The following THADA variants were observed in gnomAD, a reference collection of about 807,000 sequenced individuals.
The protein encoded by THADA is tRNA (32-2'-O)-methyltransferase regulator THADA.
THADA carries 213 observed loss-of-function variants against 219.8 expected under a neutral mutation model. The observed-to-expected ratio is 0.97, with a 90% CI of 0.87 to 1.09. The LOEUF (loss-of-function observed/expected upper bound fraction) is 1.09. Among genes scored for constraint, THADA ranks in the 50% least tolerant of loss-of-function variants. The pLI, the probability that THADA is intolerant of heterozygous loss-of-function variation, is 0.00. For synonymous variants in THADA, 1,018 were observed against 828.9 expected (o/e 1.23, Z -3.92); for missense variants, 2,956 against 2,311.3 (o/e 1.28, Z -5.72).
chr2:43,532,076 T>C (rs1438844030), intron 21 of THADA, among the ~76,000 whole-genome samples: 1 of 151,560 alleles, frequency 6.6e-6, no homozygotes, highest in Non-Finnish European at 1.5e-5. Flanking sequence ...CTGGAGCCCC[T>C]ATCCAGCACA....
rs1246333935 is a variant in THADA, at chr2:43,231,274, A to G, written c.5536T>C (p.Tyr1846His). The G allele has an allele frequency of 6.2e-7, 1 of 1,605,512 alleles. No homozygotes were observed. Among genetic ancestry groups the G allele is most frequent in the Admixed American group, 1.7e-5 (1 of 57,598 alleles). The change falls in exon 38 of 38, where the codon TAC (tyrosine) becomes CAC (histidine). Residue 1846 changes from tyrosine (Y) to histidine (H), a missense_variant. Tyr to His is a moderately conservative substitution (Grantham distance 83, BLOSUM62 2). Coordinates refer to ENST00000405975, the MANE Select transcript of THADA (RefSeq NM_022065.5). ...AGACAGAAGAGGTGCTTGCAGAGGT[A>G]TTTCACAAAGATCAGGGTCTCGGCC... ...FWAETLIFVKYLCKHLFCLLS... is the reference protein window; with the variant it reads ...FWAETLIFVKHLCKHLFCLLS...
chr2:43,487,824 A>T (rs1687096177), intron 25 of THADA, among the ~76,000 whole-genome samples: 1 of 152,148 alleles, frequency 6.6e-6, no homozygotes, highest in Non-Finnish European at 1.5e-5. Context: ...TTGATCTTGG[A>T]CTTTCCAGCC....
intron 29 of THADA, among the ~76,000 whole-genome samples, chr2:43,367,151 A>G (rs1670250765): frequency 1.3e-5 from 2 of 152,150 alleles, no homozygotes; most frequent in African/African-American, 4.8e-5. Context: ...ACACAAGAAA[A>G]TAGAATGGTA....
chr2:43,589,824 C>T (rs780374010), intron 4 of THADA, among the ~76,000 whole-genome samples: 2 of 149,352 alleles, frequency 1.3e-5, no homozygotes, highest in East Asian at 2.0e-4. Context: ...AAAAACCTAT[C>T]GAAATGAAAA....
At chr2:43,512,415 A>G (rs1478656040) in intron 22 of THADA, among the ~76,000 whole-genome samples, 1 of 152,206 alleles carries the variant, frequency 6.6e-6, no homozygotes, top group Non-Finnish European at 1.5e-5. Context: ...TGGTCCAATA[A>G]TGGAACTTCC....
intron 22 of THADA, among the ~76,000 whole-genome samples, chr2:43,524,850 C>T (rs576712465): frequency 6.1e-4 from 93 of 152,306 alleles, no homozygotes; most frequent in Non-Finnish European, 1.0e-3. Context: ...CTAGTCTCCC[C>T]GCTCCATTTA....
At chr2:43,340,755 A>G (rs1009844136) in intron 30 of THADA, among the ~76,000 whole-genome samples, 1 of 152,200 alleles carries the variant, frequency 6.6e-6, no homozygotes, top group African/African-American at 2.4e-5. Flanking sequence ...CCTCTTCAGT[A>G]GTTGAATTTG....
At chr2:43,287,605 G>C (rs1376112675) in intron 34 of THADA, among the ~76,000 whole-genome samples, 1 of 152,118 alleles carries the variant, frequency 6.6e-6, no homozygotes, top group African/African-American at 2.4e-5. Context: ...CCTTCCTTTA[G>C]TCTTTTTGGA....
At chr2:43,340,301 C>G (rs1249662488) in intron 30 of THADA, among the ~76,000 whole-genome samples, 1 of 152,226 alleles carries the variant, frequency 6.6e-6, no homozygotes, top group African/African-American at 2.4e-5. Context: ...CAGCTGACCA[C>G]TCATCACCAA....
intron 36 of THADA, among the ~76,000 whole-genome samples, chr2:43,238,653 G>C (rs1021018557): frequency 6.6e-6 from 1 of 152,152 alleles, no homozygotes; most frequent in African/African-American, 2.4e-5. Flanking sequence ...ACAAAAACTT[G>C]TACATAAATG....
chr2:43,503,965 T>C (rs558803483), intron 24 of THADA, among the ~76,000 whole-genome samples: 3 of 152,278 alleles, frequency 2.0e-5, no homozygotes. Flanking sequence ...TCTGAAACTT[T>C]TTAAAGCACG....
chr2:43,261,918 TGAGCCAC>T (rs1670998210), intron 36 of THADA, among the ~76,000 whole-genome samples: 1 of 152,150 alleles, frequency 6.6e-6, no homozygotes. Context: ...ATTACAGGCA[TGAGCCAC>T]CGCGCCTGGC....
At chr2:43,316,733 G>C (rs1168676578) in intron 31 of THADA, among the ~76,000 whole-genome samples, 1 of 152,172 alleles carries the variant, frequency 6.6e-6, no homozygotes, top group Non-Finnish European at 1.5e-5. Context: ...TTCGAGACCA[G>C]CCTGACGAAC....
intron 29 of THADA, among the ~76,000 whole-genome samples, chr2:43,357,340 G>A (rs1350310653): frequency 2.6e-5 from 4 of 152,086 alleles, no homozygotes; most frequent in Admixed American, 1.3e-4. Flanking sequence ...GTCATCACTG[G>A]TGGAAGTATA....
chr2:43,437,057 A>G (rs1289847556), intron 26 of THADA, among the ~76,000 whole-genome samples: 1 of 152,110 alleles, frequency 6.6e-6, no homozygotes, highest in Non-Finnish European at 1.5e-5. Context: ...GCAACTCATT[A>G]TTTTTGCACA....
intron 30 of THADA, among the ~76,000 whole-genome samples, chr2:43,323,590 T>C (rs1328825408): frequency 1.3e-5 from 2 of 152,220 alleles, no homozygotes; most frequent in African/African-American, 4.8e-5. Context: ...AGATAGGATG[T>C]CTCCTGTGCA....
chr2:43,295,617 G>C (rs1675278019), intron 31 of THADA, among the ~76,000 whole-genome samples: 1 of 152,192 alleles, frequency 6.6e-6, no homozygotes, highest in East Asian at 1.9e-4. Flanking sequence ...CGCATTTATA[G>C]CTAATAAAAC....
In THADA at chr2:43,527,867, T is replaced by A. The variant is rs1375574320; in HGVS notation, c.3374+12A>T. The stretch of plus-strand genomic sequence containing the variant: ...TCTTTTTAAAACGTACACAAAAGGA[T>A]ATTTGTTTTACCTGTTTAGTACTTC... On this transcript the variant is annotated intron_variant, in intron 22 of 37. Transcript: ENST00000405975. The A allele has an allele frequency of 6.4e-7, 1 of 1,551,570 alleles. No homozygotes were observed. Among genetic ancestry groups the A allele is most frequent in the East Asian group, 2.2e-5 (1 of 44,498 alleles).
intron 21 of THADA, 67 bp from the exon 22 acceptor site, chr2:43,528,055 A>G (rs1693386472): frequency 1.7e-6 from 2 of 1,191,154 alleles, no homozygotes; most frequent in African/African-American, 1.5e-5. Context: ...TTATATCAGT[A>G]ACACTGTTTA....
Sources: gnomAD v4.1 joint callset for allele counts (sites outside exome capture counted in the v4.1 genomes callset) on GRCh38, gnomAD v4.1.1 for gene constraint, MANE v1.5 for transcripts, NCBI Gene and HGNC (gene_info 2026-07-23, HGNC 2026-07-21) for gene names.